The following TRAF3 variants were observed in gnomAD, a reference collection of about 807,000 sequenced individuals.
The protein encoded by TRAF3 is TNF receptor-associated factor 3.
Under a neutral mutation model 62.3 loss-of-function variants are expected in TRAF3, and 13 were observed. The ratio of observed to expected loss-of-function variants is 0.21; its 90% CI spans 0.14 to 0.33. The LOEUF (loss-of-function observed/expected upper bound fraction) is 0.33, where lower values mean the gene tolerates loss of function less well. Among genes scored for constraint, TRAF3 ranks in the 10% least tolerant of loss-of-function variants. The probability of loss-of-function intolerance (pLI) is 1.00; values close to 1 mark genes in which losing one functional copy is unlikely to be tolerated. For synonymous variants in TRAF3, 269 were observed against 283.4 expected, an observed-to-expected ratio of 0.95 and a Z score of 0.51; for missense variants, 440 against 741.8, an observed-to-expected ratio of 0.59 and a Z score of 4.73.
At position 102,897,288 on chromosome 14, in the gene TRAF3, G is replaced by C; in HGVS notation, c.847G>C (p.Glu283Gln). 1 of 1,613,330 alleles carries C rather than the reference G, an allele frequency of 6.2e-7. No homozygotes were observed. The highest frequency in any genetic ancestry group is 8.5e-7 in the Non-Finnish European group (1 of 1,179,710). Residue 283 changes from glutamate to glutamine, a missense_variant, in exon 10 of 12, where the codon GAA (glutamate) becomes CAA (glutamine). Glu to Gln is a conservative substitution (Grantham distance 29). Coordinates refer to ENST00000392745, the MANE Select transcript of TRAF3 (RefSeq NM_145725.3). ...TTCCTTGTTGCAGAATGAAAGTGTA[G>C]AAAAAAACAAGAGCATACAAAGTTT... ...KVSLLQNESV[E>Q]KNKSIQSLHN...
In TRAF3 at chr14:102,817,439, C is replaced by T. The variant is rs114679514; in HGVS notation, c.-156-12895C>T. 7.0e-3 allele frequency among the ~76,000 whole-genome samples: 1,067 copies of T among 152,072 alleles called. 21 individuals are homozygous for T. Among genetic ancestry groups the T allele is most frequent in the African/African-American group, 0.024 (1,006 of 41,460 alleles). ...GTGCTGGGGACACATTAGCACTTAC[C>T]GTGCTCTGGAAGGCAGGGTGTTCAG... On this transcript the variant is annotated intron_variant, in intron 1 of 11. Transcript: ENST00000392745.
intron 2 of TRAF3, among the ~76,000 whole-genome samples, chr14:102,848,956 GT>G (rs1159897795): frequency 6.6e-6 from 1 of 152,080 alleles, no homozygotes; most frequent in East Asian, 1.9e-4. Flanking sequence ...TGTTGTTGTT[GT>G]TTTTTCCTTT....
At chr14:102,808,512 CAAAAAA>C (rs5811081) in intron 1 of TRAF3, among the ~76,000 whole-genome samples, 1 of 134,196 alleles carries the variant, frequency 7.5e-6, no homozygotes. Flanking sequence ...GACTCCATCT[CAAAAAA>C]AAAAAAAAAG....
chr14:102,827,303 C>T (rs532925430), intron 1 of TRAF3, among the ~76,000 whole-genome samples: 70 of 152,298 alleles, frequency 4.6e-4, no homozygotes, highest in Non-Finnish European at 7.6e-4. Flanking sequence ...GCCCTGACGG[C>T]GGTTCCCCAC....
At chr14:102,810,183 C>T (rs367634324) in intron 1 of TRAF3, among the ~76,000 whole-genome samples, 4 of 152,268 alleles carry the variant, frequency 2.6e-5, no homozygotes, top group Admixed American at 2.0e-4. Context: ...ACCCCCTCCC[C>T]CCTACAACTG....
Position 102,826,747 on chromosome 14 carries a change from T to C in TRAF3, c.-156-3587T>C, listed in dbSNP as rs1900336077. On this transcript the variant is annotated intron_variant, in intron 1 of 11. Transcript: ENST00000392745. The surrounding 1 kb of genome is among the most constrained non-coding windows in gnomAD (Gnocchi z 4.6). Reference sequence around the variant, plus strand: ...TCAGGGTCCGGCTGGGCTCTGGACATAGGGTGGAAGAAAACCATCTGAGCA... The same window carrying C: ...TCAGGGTCCGGCTGGGCTCTGGACACAGGGTGGAAGAAAACCATCTGAGCA... Among the ~76,000 whole-genome samples, 1 of 152,112 alleles carries C rather than the reference T, an allele frequency of 6.6e-6. No homozygotes were observed. Among genetic ancestry groups the C allele is most frequent in the Admixed American group, 6.6e-5 (1 of 15,260 alleles).
intron 1 of TRAF3, among the ~76,000 whole-genome samples, chr14:102,811,728 AGTGT>A (rs146439927): frequency 0.21 from 28,585 of 138,274 alleles, 3,954 homozygotes; most frequent in African/African-American, 0.4. Context: ...CTACAGCAGT[AGTGT>A]GTGTGTGTGT....
At chr14:102,792,062 C>G (rs1431385191) in intron 1 of TRAF3, among the ~76,000 whole-genome samples, 1 of 150,984 alleles carries the variant, frequency 6.6e-6, no homozygotes, top group Non-Finnish European at 1.5e-5. Context: ...AGTCAGCCCA[C>G]CTTGGCCTCC....
At chr14:102,890,896 T>C (rs973234894) in intron 8 of TRAF3, among the ~76,000 whole-genome samples, 1 of 152,262 alleles carries the variant, frequency 6.6e-6, no homozygotes, top group African/African-American at 2.4e-5. Context: ...TTTACTAGAC[T>C]GTTGTGGCAG....
chr14:102,883,247 G>A (rs949214776), intron 6 of TRAF3, among the ~76,000 whole-genome samples: 1 of 152,234 alleles, frequency 6.6e-6, no homozygotes, highest in Admixed American at 6.5e-5. Flanking sequence ...TCATACAGTA[G>A]TGAAAGTTAG....
In TRAF3 at chr14:102,888,436, T is replaced by C. The variant is rs529608360; in HGVS notation, c.652-1124T>C. 3.9e-5 allele frequency among the ~76,000 whole-genome samples: 6 copies of C among 152,278 alleles called. No individual in the cohort carries two copies. In the East Asian group the frequency reaches 9.7e-4, roughly 24 times the overall value. ...CCCTTCCCGCAGTGTCCCTCCTCCTTAGTTTCGCAGCAGGGATCCATTTTC... is the reference window on the plus strand; with the variant it reads ...CCCTTCCCGCAGTGTCCCTCCTCCTCAGTTTCGCAGCAGGGATCCATTTTC... On this transcript the variant is annotated intron_variant, in intron 7 of 11. Transcript: ENST00000392745.
chr14:102,804,856 T>C lies in TRAF3; in HGVS notation c.-156-25478T>C, dbSNP rs542915692. Among the ~76,000 whole-genome samples, 8 of 152,298 alleles carry C rather than the reference T, an allele frequency of 5.3e-5. 1 individual carries two copies. The highest frequency in any genetic ancestry group is 1.2e-4 in the African/African-American group (5 of 41,556). On this transcript the variant is annotated intron_variant, in intron 1 of 11. Coordinates refer to ENST00000392745, the MANE Select transcript of TRAF3 (RefSeq NM_145725.3). ...CATATGAATTTTGAGTTCTGCTGTA[T>C]GATATGTAATATATATGTTCTAATA...
chr14:102,808,355 A>G (rs1367258961), intron 1 of TRAF3, among the ~76,000 whole-genome samples: 2 of 152,096 alleles, frequency 1.3e-5, no homozygotes, highest in African/African-American at 2.4e-5. Flanking sequence ...TTTACTACAA[A>G]TACAAAAATT....
rs1016414122 is a variant in TRAF3, at chr14:102,826,109, A to G, written c.-156-4225A>G. Among the ~76,000 whole-genome samples the G allele has an allele frequency of 6.6e-6, 1 of 152,116 alleles. No homozygotes were observed. The highest frequency in any genetic ancestry group is 2.4e-5 in the African/African-American group (1 of 41,414). On this transcript the variant is annotated intron_variant, in intron 1 of 11. Coordinates refer to ENST00000392745, the MANE Select transcript of TRAF3 (RefSeq NM_145725.3). This position sits in a 1 kb window ranked among gnomAD's most constrained non-coding sequence, Gnocchi z 4.6. Reference sequence around the variant, plus strand: ...TCCCTCCCACCCCCGTGAGGTAACAACGTCTTTTCCAGTTGGTGTCAGTGA... The same window carrying G: ...TCCCTCCCACCCCCGTGAGGTAACAGCGTCTTTTCCAGTTGGTGTCAGTGA...
At chr14:102,821,151 T>C (rs554940021) in intron 1 of TRAF3, among the ~76,000 whole-genome samples, 45 of 152,318 alleles carry the variant, frequency 3.0e-4, no homozygotes, top group African/African-American at 1.1e-3. Context: ...TTTTGATAAG[T>C]TGTGTAGAAT....
intron 4 of TRAF3, among the ~76,000 whole-genome samples, chr14:102,875,143 A>G (rs1433894843): frequency 2.6e-5 from 4 of 152,158 alleles, no homozygotes; most frequent in Non-Finnish European, 5.9e-5. Context: ...ATGGTCTCTT[A>G]TGTGGTCTCT....
At chr14:102,831,279 C>T (rs1440154616) in intron 2 of TRAF3, among the ~76,000 whole-genome samples, 2 of 152,118 alleles carry the variant, frequency 1.3e-5, no homozygotes, top group Non-Finnish European at 2.9e-5. Context: ...GTTTGCCATC[C>T]CTATGGTGAG....
intron 1 of TRAF3, among the ~76,000 whole-genome samples, chr14:102,780,638 A>G (rs1202373823): frequency 6.6e-6 from 1 of 152,114 alleles, no homozygotes; most frequent in Non-Finnish European, 1.5e-5. Flanking sequence ...AACTTTAGGA[A>G]TCAGGTTGGA....
At chr14:102,808,897 C>G (rs1898937923) in intron 1 of TRAF3, 1 of 152,122 alleles carries the variant, frequency 6.6e-6, no homozygotes, top group Non-Finnish European at 1.5e-5. Flanking sequence ...CTCACTGCAG[C>G]CTCCACCTCT....
Sources: gnomAD v4.1 joint callset for allele counts (sites outside exome capture counted in the v4.1 genomes callset) on GRCh38, gnomAD v4.1.1 for gene constraint, Gnocchi (gnomAD v3.1) non-coding constraint, MANE v1.5 for transcripts, NCBI Gene and HGNC (gene_info 2026-07-23, HGNC 2026-07-21) for gene names.